PRKG1: variants seen among roughly 807,000 people sequenced by gnomAD.
PRKG1 encodes the protein protein kinase cGMP-dependent 1, also known as cGMP-dependent protein kinase 1.
Under a neutral mutation model 88.1 loss-of-function variants are expected in PRKG1, and 35 were observed. The ratio of observed to expected loss-of-function variants is 0.40; its 90% confidence interval spans 0.30 to 0.53. The LOEUF is 0.53. Ranked by LOEUF, PRKG1 falls within the 20% of genes least tolerant of loss-of-function variation. The pLI is 0.59. For synonymous variants in PRKG1, 303 were observed against 292.5 expected (o/e 1.04, Z -0.37); for missense variants, 540 against 839.8 (o/e 0.64, Z 4.41).
intron 3 of PRKG1, among the ~76,000 whole-genome samples, chr10:51,801,737 T>C (rs1409241862): frequency 1.3e-5 from 2 of 152,154 alleles, no homozygotes; most frequent in African/African-American, 4.8e-5. Context: ...GTAATCTTGG[T>C]GTCCCCTAAA....
upstream of PRKG1, among the ~76,000 whole-genome samples, chr10:51,071,674 T>TA (rs566376449): frequency 1.1e-3 from 160 of 152,318 alleles, no homozygotes; most frequent in Non-Finnish European, 1.6e-3. Context: ...TAATTTAGTG[T>TA]AAAAAAACTC....
intron 5 of PRKG1, among the ~76,000 whole-genome samples, chr10:51,948,861 T>C (rs1291310298): frequency 1.3e-5 from 2 of 152,222 alleles, no homozygotes; most frequent in Non-Finnish European, 2.9e-5. Flanking sequence ...TCAAAGTGAA[T>C]TATAGTTAAT....
At chr10:51,140,540 A>G (rs1207227507) in intron 1 of PRKG1, among the ~76,000 whole-genome samples, 3 of 152,192 alleles carry the variant, frequency 2.0e-5, no homozygotes, top group Admixed American at 6.5e-5. Flanking sequence ...TTTAACTAAC[A>G]TGACTGATTT....
chr10:51,685,261 C>T (rs1840958876), intron 3 of PRKG1, among the ~76,000 whole-genome samples: 2 of 152,170 alleles, frequency 1.3e-5, no homozygotes, highest in Non-Finnish European at 2.9e-5. Context: ...GTGCTTCCAC[C>T]TCTTATGAGC....
At chr10:51,548,509 G>GT (rs1390422859) in intron 3 of PRKG1, among the ~76,000 whole-genome samples, 2 of 152,038 alleles carry the variant, frequency 1.3e-5, no homozygotes, top group African/African-American at 4.8e-5. Context: ...TTAAAGAAAA[G>GT]TTTTAAATGC....
chr10:52,274,779 C>T (rs1353941287), intron 12 of PRKG1, among the ~76,000 whole-genome samples: 1 of 152,064 alleles, frequency 6.6e-6, no homozygotes, highest in African/African-American at 2.4e-5. Context: ...AGCAGCTGTA[C>T]TAGTTTACAT....
intron 7 of PRKG1, among the ~76,000 whole-genome samples, chr10:52,107,826 T>G (rs1460009714): frequency 6.6e-6 from 1 of 152,220 alleles, no homozygotes; most frequent in Non-Finnish European, 1.5e-5. Flanking sequence ...ATTCTGCTAC[T>G]TACTGCTTTA....
intron 3 of PRKG1, among the ~76,000 whole-genome samples, chr10:51,749,483 AT>A (rs1042430126): frequency 1.4e-4 from 22 of 152,228 alleles, no homozygotes; most frequent in African/African-American, 5.3e-4. Flanking sequence ...TCCTCTTCTT[AT>A]AAGGCCATGA....
chr10:51,955,904 G>T (rs142556288), intron 5 of PRKG1, among the ~76,000 whole-genome samples: 1 of 152,234 alleles, frequency 6.6e-6, no homozygotes, highest in East Asian at 1.9e-4. Flanking sequence ...CTTCAATAGC[G>T]ACCATTCTTC....
At chr10:52,170,861 C>T (rs1220527676) in intron 9 of PRKG1, among the ~76,000 whole-genome samples, 1 of 106,918 alleles carries the variant, frequency 9.4e-6, no homozygotes, top group Non-Finnish European at 2.0e-5. Context: ...TTCTGCCTGT[C>T]ACAGAGAGGT....
rs546323122 is a variant in PRKG1 at position 52,290,644 on chromosome 10, C to T, written c.1962+354C>T. On this transcript the variant is annotated intron_variant, in intron 17 of 17. Coordinates refer to ENST00000373980, the MANE Select transcript of PRKG1 (RefSeq NM_006258.4). ...ACTTGAGGCCAGGAGTTCAAGAGTT[C>T]AAGACCAGCCAGCCTGGACAACATA... Among the ~76,000 whole-genome samples the T allele has an allele frequency of 2.6e-5, 4 of 152,066 alleles. No homozygotes were observed. The South Asian group carries it at 8.3e-4, about 32-fold the overall frequency.
At chr10:52,219,512 G>A (rs1341587851) in intron 9 of PRKG1, among the ~76,000 whole-genome samples, 1 of 152,100 alleles carries the variant, frequency 6.6e-6, no homozygotes, top group East Asian at 1.9e-4. Flanking sequence ...TTTATCCATG[G>A]TTGCTAACAA....
At chr10:51,903,155 G>A (rs928681902) in intron 4 of PRKG1, among the ~76,000 whole-genome samples, 1 of 152,130 alleles carries the variant, frequency 6.6e-6, no homozygotes, top group Non-Finnish European at 1.5e-5. Flanking sequence ...TCTTCAAAAT[G>A]TCAGTGTCAT....
rs1841439432 is a variant in PRKG1, at chr10:52,261,763, G to A, written c.1174-9587G>A. ...AGAGAAAAGTGAAGGAAGTAGAGAA[G>A]TTATTGTGATCTCTGGTTAAGTTAA... On this transcript the variant is annotated intron_variant, in intron 10 of 17. Coordinates refer to ENST00000373980, the MANE Select transcript of PRKG1 (RefSeq NM_006258.4). Among the ~76,000 whole-genome samples the A allele has an allele frequency of 5.3e-5, 8 of 152,180 alleles. No individual in the cohort carries two copies. The South Asian group carries it at 1.7e-3, about 32-fold the overall frequency.
At chr10:51,498,572 T>C (rs1840931011) in intron 3 of PRKG1, among the ~76,000 whole-genome samples, 1 of 152,204 alleles carries the variant, frequency 6.6e-6, no homozygotes, top group African/African-American at 2.4e-5. Flanking sequence ...CTTGGAAATA[T>C]CATGTTGTAC....
intron 8 of PRKG1, among the ~76,000 whole-genome samples, chr10:52,138,791 A>G (rs1172403537): frequency 6.6e-6 from 1 of 152,084 alleles, no homozygotes; most frequent in Non-Finnish European, 1.5e-5. Flanking sequence ...TGAAACTGAG[A>G]TATCTCTAGA....
chr10:51,908,733 AATTTT>A (rs1417179001), intron 5 of PRKG1: 2 of 131,712 alleles, frequency 1.5e-5, no homozygotes, highest in African/African-American at 5.8e-5. Flanking sequence ...ATCTATATGT[AATTTT>A]TTTTTTTTTG....
intron 3 of PRKG1, among the ~76,000 whole-genome samples, chr10:51,551,812 AC>A (rs1837143189): frequency 6.6e-6 from 1 of 151,754 alleles, no homozygotes; most frequent in African/African-American, 2.4e-5. Flanking sequence ...TATTTGAAGT[AC>A]TTTTCTTTTA....
At chr10:51,765,815 A>ATTT (rs398046339) in intron 3 of PRKG1, among the ~76,000 whole-genome samples, 3 of 134,664 alleles carry the variant, frequency 2.2e-5, no homozygotes, top group Admixed American at 7.8e-5. Flanking sequence ...GCCTTACATG[A>ATTT]TTTTTTTTTT....
Sources: gnomAD v4.1 joint callset for allele counts (sites outside exome capture counted in the v4.1 genomes callset) on GRCh38, gnomAD v4.1.1 for gene constraint, MANE v1.5 for transcripts, NCBI Gene and HGNC (gene_info 2026-07-23, HGNC 2026-07-21) for gene names.